The following SCAI variants were observed in gnomAD, a reference collection of about 807,000 sequenced individuals.
The protein encoded by SCAI is suppressor of cancer cell invasion.
Under a neutral mutation model 92.2 loss-of-function variants are expected in SCAI, and 24 were observed. That is an observed-to-expected ratio of 0.26 (90% CI 0.19 to 0.37). SCAI has a LOEUF of 0.37. Ranked by LOEUF, SCAI falls within the 10% of genes least tolerant of loss-of-function variation. SCAI has a pLI of 1.00. For missense variants in SCAI, 450 were observed against 736.2 expected (o/e 0.61, Z 4.50); for synonymous variants, 261 against 258.6 (o/e 1.01, Z -0.09).
Position 124,947,698 on chromosome 9 carries a change from A to T in SCAI, c.*5109T>A, listed in dbSNP as rs1431208319. 1 of 152,260 alleles carries T rather than the reference A, an allele frequency of 6.6e-6. No homozygotes were observed. The highest frequency in any genetic ancestry group is 6.5e-5 in the Admixed American group (1 of 15,284). The allele number at this position is 152,260 out of a possible 1,614,324, so 9.4% of individuals were successfully genotyped here. A position where few individuals can be genotyped will look rare whatever the true frequency, so the allele number is the denominator to read the frequency against. ...TGCATGTAGCATCACAAAAATATAC[A>T]TATGCCATTACAAATAAAATAAGAA... On this transcript the variant is annotated 3_prime_UTR_variant, in exon 18 of 18. Coordinates refer to ENST00000336505, the MANE Select transcript of SCAI (RefSeq NM_001144877.3).
chr9:125,039,857 G>C (rs1833283944), intron 3 of SCAI, among the ~76,000 whole-genome samples: 1 of 152,130 alleles, frequency 6.6e-6, no homozygotes, highest in African/African-American at 2.4e-5. Flanking sequence ...AGTATGACAG[G>C]GAACTAGTAA....
At position 125,126,561 on chromosome 9, in the gene SCAI, G is replaced by GGTGGGTGT. The variant is rs1554794282; in HGVS notation, c.98+16071_98+16072insACACCCAC. Among the ~76,000 whole-genome samples the GGTGGGTGT allele has an allele frequency of 9.1e-4, 123 of 135,480 alleles. 1 individual carries two copies. Among genetic ancestry groups the GGTGGGTGT allele is most frequent in the African/African-American group, 3.5e-3 (121 of 34,240 alleles). The allele number at this position is 135,480 out of a possible 152,430, so 88.9% of individuals were successfully genotyped here. A position where few individuals can be genotyped will look rare whatever the true frequency, so the allele number is the denominator to read the frequency against. On this transcript the variant is annotated intron_variant, in intron 2 of 17. Coordinates refer to ENST00000336505, the MANE Select transcript of SCAI (RefSeq NM_001144877.3). ...TCCCGCAAAGTGAGGTGGGTGGGTGGGTGTGGGTGTGTGTGTGTGTGTGTG... is the reference window on the plus strand; with the variant it reads ...TCCCGCAAAGTGAGGTGGGTGGGTGGGTGGGTGTGTGTGGGTGTGTGTGTGTGTGTGTG...
At chr9:125,076,709 T>G (rs1178082257) in intron 2 of SCAI, among the ~76,000 whole-genome samples, 1 of 148,704 alleles carries the variant, frequency 6.7e-6, no homozygotes, top group Non-Finnish European at 1.5e-5. Flanking sequence ...TTTTCCTTTC[T>G]TTTTTTTTTG....
intron 14 of SCAI, among the ~76,000 whole-genome samples, chr9:124,987,486 T>C (rs1219828302): frequency 2.6e-5 from 4 of 151,932 alleles, no homozygotes; most frequent in Non-Finnish European, 5.9e-5. Flanking sequence ...ATTCCTCTAA[T>C]ATGAGGCTCA....
At chr9:125,045,309 G>C (rs1833411939) in intron 3 of SCAI, among the ~76,000 whole-genome samples, 1 of 152,166 alleles carries the variant, frequency 6.6e-6, no homozygotes, top group Non-Finnish European at 1.5e-5. Flanking sequence ...CAAGTGATCT[G>C]CCTACCTCAG....
In SCAI at chr9:125,036,484, G is replaced by C. The variant is rs1833198720; in HGVS notation, c.231-6745C>G. Among the ~76,000 whole-genome samples, 3 of 152,136 alleles carry C rather than the reference G, an allele frequency of 2.0e-5. No individual in the cohort carries two copies. In the South Asian group the frequency reaches 6.2e-4, roughly 32 times the overall value. ...ATGCCAGGAAAACTAAAATCAGAAA[G>C]AGTCAAAAGTGATTGCCTCTGAAAA... On this transcript the variant is annotated intron_variant, in intron 3 of 17. Coordinates refer to ENST00000336505, the MANE Select transcript of SCAI (RefSeq NM_001144877.3).
At chr9:125,067,067 C>T (rs1027239368) in intron 2 of SCAI, among the ~76,000 whole-genome samples, 3 of 151,938 alleles carry the variant, frequency 2.0e-5, no homozygotes, top group Non-Finnish European at 2.9e-5. Context: ...TTAAGCAACA[C>T]GACTGTATAT....
intron 2 of SCAI, among the ~76,000 whole-genome samples, chr9:125,122,507 T>C (rs1255062267): frequency 3.4e-5 from 5 of 145,250 alleles, no homozygotes; most frequent in Non-Finnish European, 7.4e-5. Flanking sequence ...GAGAATCACT[T>C]GAACCCAGGA....
intron 3 of SCAI, among the ~76,000 whole-genome samples, chr9:125,042,696 G>T (rs890694972): frequency 3.4e-5 from 5 of 145,726 alleles, no homozygotes; most frequent in Non-Finnish European, 7.5e-5. Flanking sequence ...CATACAGGAA[G>T]TTACTTAGGA....
chr9:125,017,289 G>GGA (rs1832779738), intron 9 of SCAI, among the ~76,000 whole-genome samples: 1 of 151,892 alleles, frequency 6.6e-6, no homozygotes. Flanking sequence ...TAGTCATCTA[G>GGA]TTCGGTGATA....
intron 17 of SCAI, among the ~76,000 whole-genome samples, chr9:124,963,392 C>T (rs1221189856): frequency 2.0e-5 from 3 of 151,864 alleles, no homozygotes; most frequent in African/African-American, 7.3e-5. Context: ...CCTTGGCCTC[C>T]CAAAGTGCTG....
intron 2 of SCAI, among the ~76,000 whole-genome samples, chr9:125,140,234 G>C (rs1835635936): frequency 6.7e-6 from 1 of 149,546 alleles, no homozygotes; most frequent in Non-Finnish European, 1.5e-5. Flanking sequence ...AAAGGAAAAA[G>C]AAGTAAGTGA....
At chr9:124,978,153 G>A (rs1179179651) in intron 14 of SCAI, among the ~76,000 whole-genome samples, 1 of 152,040 alleles carries the variant, frequency 6.6e-6, no homozygotes, top group African/African-American at 2.4e-5. Flanking sequence ...TATTGAAAGA[G>A]CCTCTTAGCC....
intron 2 of SCAI, among the ~76,000 whole-genome samples, chr9:125,070,621 A>G (rs895943682): frequency 6.6e-6 from 1 of 151,780 alleles, no homozygotes; most frequent in Non-Finnish European, 1.5e-5. Context: ...CTGGTCTAGC[A>G]CTCCTGACCT....
At chr9:125,122,238 C>G (rs1835169402) in intron 2 of SCAI, among the ~76,000 whole-genome samples, 1 of 152,142 alleles carries the variant, frequency 6.6e-6, no homozygotes, top group African/African-American at 2.4e-5. Context: ...TTCTATAATT[C>G]TCTTATAAAT....
At chr9:125,136,456 CTTTTTTT>C (rs1167871254) in intron 2 of SCAI, among the ~76,000 whole-genome samples, 1 of 95,216 alleles carries the variant, frequency 1.1e-5, no homozygotes, top group Non-Finnish European at 2.1e-5. Flanking sequence ...TAATACCTTT[CTTTTTTT>C]TTTTTTTTTT....
intron 14 of SCAI, among the ~76,000 whole-genome samples, chr9:124,985,844 C>T (rs1485860218): frequency 2.3e-5 from 3 of 129,610 alleles, no homozygotes; most frequent in East Asian, 2.3e-4. Flanking sequence ...GCCTGGGCAA[C>T]AAGAGTGAAA....
intron 14 of SCAI, among the ~76,000 whole-genome samples, chr9:124,981,681 G>C (rs1440507716): frequency 6.6e-6 from 1 of 150,754 alleles, no homozygotes; most frequent in Non-Finnish European, 1.5e-5. Context: ...TCAAGGTCTT[G>C]CTCTGTAACC....
chr9:124,947,645 C>T lies in SCAI; in HGVS notation c.*5162G>A, dbSNP rs1325104269. On this transcript the variant is annotated 3_prime_UTR_variant, in exon 18 of 18. Coordinates refer to ENST00000336505, the MANE Select transcript of SCAI (RefSeq NM_001144877.3). ...ACCAATATATTTACAAATATGTATA[C>T]ATATATACAAAAAGTATACACAGAG... 1 of 152,068 alleles carries T rather than the reference C, an allele frequency of 6.6e-6. No homozygotes were observed. Among genetic ancestry groups the T allele is most frequent in the East Asian group, 1.9e-4 (1 of 5,204 alleles). The allele number at this position is 152,068 out of a possible 1,614,324, so 9.4% of individuals were successfully genotyped here. A position where few individuals can be genotyped will look rare whatever the true frequency, so the allele number is the denominator to read the frequency against.
Sources: allele counts gnomAD v4.1 joint callset (sites outside exome capture counted in the v4.1 genomes callset), GRCh38; gene constraint gnomAD v4.1.1; transcripts MANE v1.5; gene names NCBI Gene and HGNC (gene_info 2026-07-23, HGNC 2026-07-21).